The following NEK5 variants were observed in gnomAD, a reference collection of about 807,000 sequenced individuals.
NEK5 encodes the protein NIMA related kinase 5, also known as serine/threonine-protein kinase Nek5.
NEK5 carries 88 observed loss-of-function variants against 109.2 expected under a neutral mutation model. The ratio of observed to expected loss-of-function variants is 0.81; its 90% CI spans 0.68 to 0.96. The LOEUF (loss-of-function observed/expected upper bound fraction) is 0.96. NEK5 is among the 40% of genes least tolerant of loss of function. NEK5 has a pLI of 0.00. For missense variants in NEK5, 834 were observed against 920.7 expected, an observed-to-expected ratio of 0.91 and a Z score of 1.22; for synonymous variants, 283 against 299.9, an observed-to-expected ratio of 0.94 and a Z score of 0.58.
chr13:52,069,360 C>T (rs551361553), intron 20 of NEK5, among the ~76,000 whole-genome samples: 1 of 152,294 alleles, frequency 6.6e-6, no homozygotes, highest in African/African-American at 2.4e-5. Flanking sequence ...TCCTGATTCT[C>T]CAAAGTTTGT....
intron 21 of NEK5, among the ~76,000 whole-genome samples, chr13:52,063,404 G>A (rs1243778923): frequency 6.6e-6 from 1 of 152,230 alleles, no homozygotes; most frequent in African/African-American, 2.4e-5. Context: ...GAGTGCAGTG[G>A]CGTGATCGCG....
At chr13:52,041,634 A>T (rs1309067878) in intron 23 of NEK5, among the ~76,000 whole-genome samples, 2 of 149,698 alleles carry the variant, frequency 1.3e-5, no homozygotes, top group Non-Finnish European at 3.0e-5. Context: ...AGGCTGAGGC[A>T]GTAGAATTGC....
chr13:52,039,408 C>G (rs1954395598), intron 23 of NEK5, among the ~76,000 whole-genome samples: 1 of 152,144 alleles, frequency 6.6e-6, no homozygotes, highest in African/African-American at 2.4e-5. Context: ...CTTACTGTTA[C>G]CATTCCTGAG....
chr13:52,071,641 G>A (rs983091455), intron 20 of NEK5, among the ~76,000 whole-genome samples: 2 of 152,154 alleles, frequency 1.3e-5, no homozygotes, highest in Admixed American at 1.3e-4. Flanking sequence ...TTCAGATACT[G>A]GCAACACTTG....
intron 4 of NEK5, among the ~76,000 whole-genome samples, chr13:52,114,098 A>C (rs182620595): frequency 4.4e-4 from 67 of 152,312 alleles, no homozygotes; most frequent in East Asian, 1.9e-4. Flanking sequence ...TTAGCCAACC[A>C]ACTAACAGCT....
At chr13:52,121,301 G>GGTGTGT (rs1955965128) in intron 3 of NEK5, among the ~76,000 whole-genome samples, 1 of 151,920 alleles carries the variant, frequency 6.6e-6, no homozygotes, top group African/African-American at 2.4e-5. Flanking sequence ...TGAGACCACA[G>GGTGTGT]GCAAGCACCA....
intron 7 of NEK5, among the ~76,000 whole-genome samples, chr13:52,109,420 T>C (rs899845457): frequency 2.6e-5 from 4 of 152,132 alleles, no homozygotes; most frequent in Non-Finnish European, 1.5e-5. Context: ...ACATGACAGA[T>C]AGCAGGCCTG....
chr13:52,061,753 A>G (rs1391231743), intron 22 of NEK5, 66 bp downstream of exon 22: 1 of 643,524 alleles, frequency 1.6e-6, no homozygotes, highest in Non-Finnish European at 1.9e-6. Context: ...ATCCCCTTTC[A>G]GCATTTGCAA....
intron 23 of NEK5, among the ~76,000 whole-genome samples, chr13:52,040,717 G>C (rs1260469539): frequency 6.6e-6 from 1 of 152,090 alleles, no homozygotes; most frequent in African/African-American, 2.4e-5. Context: ...ATCTTCACCA[G>C]TGCTTCAGTG....
chr13:52,098,938 G>A (rs1346000831), intron 12 of NEK5, among the ~76,000 whole-genome samples: 4 of 152,108 alleles, frequency 2.6e-5, no homozygotes, highest in Non-Finnish European at 5.9e-5. Context: ...AGGTCTGTCA[G>A]AATATACCAT....
intron 23 of NEK5, among the ~76,000 whole-genome samples, chr13:52,046,377 T>TGA (rs1030785358): frequency 5.4e-5 from 8 of 148,810 alleles, no homozygotes; most frequent in Admixed American, 2.7e-4. Context: ...CTCAGGAGGC[T>TGA]GAGAGGCAGG....
chr13:52,069,971 T>C (rs912547350), intron 20 of NEK5, among the ~76,000 whole-genome samples: 3 of 152,198 alleles, frequency 2.0e-5, no homozygotes, highest in African/African-American at 7.2e-5. Context: ...TTCTGTGATA[T>C]TGAGAACAGG....
intron 22 of NEK5, among the ~76,000 whole-genome samples, chr13:52,061,372 C>T (rs528042289): frequency 2.6e-5 from 4 of 151,978 alleles, no homozygotes; most frequent in Non-Finnish European, 4.4e-5. Flanking sequence ...GTCTGCGGCC[C>T]GAGGGTTGGG....
At chr13:52,079,368 T>TGAA (rs1725363379) in intron 17 of NEK5, among the ~76,000 whole-genome samples, 1 of 147,366 alleles carries the variant, frequency 6.8e-6, no homozygotes, top group African/African-American at 2.6e-5. Context: ...TGGACTGTAC[T>TGAA]GCTGCCATCT....
chr13:52,038,825 G>GAAAAA (rs1183060212), intron 23 of NEK5, among the ~76,000 whole-genome samples: 2,096 of 93,568 alleles, frequency 0.022, 118 homozygotes, highest in African/African-American at 0.05. Flanking sequence ...ACACTCATCT[G>GAAAAA]AAAAAAAAAA....
intron 21 of NEK5, among the ~76,000 whole-genome samples, chr13:52,063,902 G>A (rs1206285571): frequency 1.3e-5 from 2 of 151,866 alleles, no homozygotes; most frequent in African/African-American, 4.8e-5. Flanking sequence ...GGAAGGAGGT[G>A]GGGGTCAGCC....
chr13:52,102,418 C>A, intron 9 of NEK5, 126 bp from the exon 10 acceptor site: 1 of 759,012 alleles, frequency 1.3e-6, no homozygotes, highest in Non-Finnish European at 2.2e-6. Context: ...GTTAGAAGCA[C>A]TAGGGTCACC....
rs745595514 is a variant in NEK5, at chr13:52,112,406, A to G, written c.215-41T>C. On this transcript the variant is annotated intron_variant, in intron 4 of 23. Transcript: ENST00000684899. Reference sequence around the variant, plus strand: ...TCATTTGGTGCTGGAAGGATTTCAGATATTTATCAGCCATGTTCTGGCTGT... The same window carrying G: ...TCATTTGGTGCTGGAAGGATTTCAGGTATTTATCAGCCATGTTCTGGCTGT... 18 of 1,295,308 alleles carry G rather than the reference A, an allele frequency of 1.4e-5. No homozygotes were observed. In the African/African-American group the frequency reaches 2.2e-4, roughly 16 times the overall value. The allele number at this position is 1,295,308 out of a possible 1,614,324, so 80.2% of individuals were successfully genotyped here.
intron 4 of NEK5, among the ~76,000 whole-genome samples, chr13:52,116,514 A>G (rs1945708013): frequency 6.6e-6 from 1 of 152,188 alleles, no homozygotes; most frequent in Non-Finnish European, 1.5e-5. Flanking sequence ...AATGAAATCT[A>G]TAACAACCTA....
Sources: gnomAD v4.1 joint callset for allele counts (sites outside exome capture counted in the v4.1 genomes callset) on GRCh38, gnomAD v4.1.1 for gene constraint, MANE v1.5 for transcripts, NCBI Gene and HGNC (gene_info 2026-07-23, HGNC 2026-07-21) for gene names.